The following VPS39 variants were observed in gnomAD, a reference collection of about 807,000 sequenced individuals.
The protein encoded by VPS39 is vam6/Vps39-like protein.
In VPS39, 70 loss-of-function variants were observed where a neutral mutation model predicts 121.0. The ratio of observed to expected loss-of-function variants is 0.58; its 90% confidence interval spans 0.48 to 0.71. VPS39 has a LOEUF of 0.71. Among genes scored for constraint, VPS39 ranks in the 30% least tolerant of loss-of-function variants. The probability of loss-of-function intolerance (pLI) is 0.00; values close to 1 mark genes in which losing one functional copy is unlikely to be tolerated. For synonymous variants in VPS39, 378 were observed against 398.1 expected (o/e 0.95, Z 0.60); for missense variants, 818 against 1,051.5 (o/e 0.78, Z 3.07).
intron 12 of VPS39, among the ~76,000 whole-genome samples, chr15:42,168,557 T>G (rs1209557759): frequency 6.6e-6 from 1 of 151,572 alleles, no homozygotes; most frequent in Non-Finnish European, 1.5e-5. Context: ...TTTTTTTTTT[T>G]TTTTGAGACA....
intron 6 of VPS39, 60 bp downstream of exon 6, chr15:42,187,698 T>C: frequency 6.7e-7 from 1 of 1,500,140 alleles, no homozygotes; most frequent in Non-Finnish European, 9.3e-7. Flanking sequence ...TGAACTTCAC[T>C]AGAACCGAGC....
At chr15:42,180,749 G>GATAATAGA (rs1344678884) in intron 8 of VPS39, among the ~76,000 whole-genome samples, 57 of 152,214 alleles carry the variant, frequency 3.7e-4, no homozygotes, top group Admixed American at 1.0e-3. Flanking sequence ...CTAACTTAGA[G>GATAATAGA]ATAATAGAAA....
At chr15:42,183,105 TG>T (rs113523890) in intron 8 of VPS39, among the ~76,000 whole-genome samples, 17,413 of 149,624 alleles carry the variant, frequency 0.12, 1,257 homozygotes, top group South Asian at 0.23. Flanking sequence ...ATGTGTTTTT[TG>T]TTTTTTTTTT....
At chr15:42,199,796 C>T in intron 2 of VPS39, 100 bp downstream of exon 2, 4 of 1,346,322 alleles carry the variant, frequency 3.0e-6, no homozygotes, top group Non-Finnish European at 4.0e-6. Context: ...TCCCTCTAAC[C>T]TTCAATCTCT....
At chr15:42,187,956 G>T (rs2049739809) in intron 5 of VPS39, 100 bp from the exon 6 acceptor site, 1 of 1,121,378 alleles carries the variant, frequency 8.9e-7, no homozygotes, top group South Asian at 1.3e-5. Flanking sequence ...CTACTACTCT[G>T]AAAATTCCCT....
chr15:42,166,879 AG>A lies in VPS39; in HGVS notation c.1411del (p.Leu471TrpfsTer15). 6.2e-7 allele frequency: 1 copy of A among 1,614,216 alleles called. No individual in the cohort carries two copies. Among genetic ancestry groups the A allele is most frequent in the Non-Finnish European group, 8.5e-7 (1 of 1,180,026 alleles). On this transcript the variant is annotated frameshift_variant, in exon 14 of 25. Coordinates refer to ENST00000318006, the MANE Select transcript of VPS39 (RefSeq NM_015289.5). LOFTEE classifies it high-confidence loss of function. ...NVALVAPLLR[L>X]ENNHCHIEES... ...CTCGATGTGGCAGTGATTGTTCTCC[AG>A]GCGTAGCAAGGGGGCCACCAGGGCC...
At chr15:42,176,033 G>C (rs1156281656) in intron 10 of VPS39, among the ~76,000 whole-genome samples, 1 of 152,100 alleles carries the variant, frequency 6.6e-6, no homozygotes, top group African/African-American at 2.4e-5. Flanking sequence ...CATTATGTTT[G>C]TGTATCTATT....
At chr15:42,207,277 A>G (rs1039999576) in intron 1 of VPS39, among the ~76,000 whole-genome samples, 10 of 152,176 alleles carry the variant, frequency 6.6e-5, no homozygotes, top group Non-Finnish European at 1.0e-4. Context: ...GGACCTAAAC[A>G]TTAAGAGGAA....
At chr15:42,188,169 T>C (rs578171146) in intron 5 of VPS39, among the ~76,000 whole-genome samples, 15 of 152,196 alleles carry the variant, frequency 9.9e-5, no homozygotes, top group Admixed American at 2.6e-4. Context: ...TCCTTTTTGC[T>C]CTTAAATGTT....
chr15:42,175,464 C>T (rs985694046), intron 10 of VPS39, among the ~76,000 whole-genome samples: 4 of 151,938 alleles, frequency 2.6e-5, no homozygotes, highest in African/African-American at 9.7e-5. Flanking sequence ...ATAGCTGGCA[C>T]GGTCGGGAAA....
At chr15:42,166,460 G>A (rs995338581) in intron 15 of VPS39, 103 bp downstream of exon 15, 22 of 1,339,446 alleles carry the variant, frequency 1.6e-5, no homozygotes, top group Admixed American at 5.8e-5. Context: ...GAGTGAACAC[G>A]AGCACGGGAG....
intron 11 of VPS39, among the ~76,000 whole-genome samples, chr15:42,173,251 C>T (rs576598488): frequency 6.6e-6 from 1 of 152,316 alleles, no homozygotes; most frequent in Non-Finnish European, 1.5e-5. Flanking sequence ...AGTAACTCTA[C>T]CAGACCTCAG....
intron 8 of VPS39, chr15:42,184,054 C>CAAAAAA (rs34358912): frequency 6.4e-4 from 37 of 57,820 alleles, no homozygotes; most frequent in African/African-American, 1.8e-3. Context: ...CTCTAAGCTA[C>CAAAAAA]AAAAAAAAAA....
rs1872622172 is a variant in VPS39 at position 42,162,442 on chromosome 15, T to TG, written c.2214dup (p.Ser739GlnfsTer50). On this transcript the variant is annotated frameshift_variant, in exon 22 of 25. Transcript: ENST00000318006. LOFTEE classifies it high-confidence loss of function. ...TTGATTGGCCCCAGGCAGTGAATGC[T>TG]GGGGGGCGACAGGTACATCCGAAGC... The TG allele has an allele frequency of 1.2e-6, 2 of 1,612,432 alleles. No homozygotes were observed. Among genetic ancestry groups the TG allele is most frequent in the Non-Finnish European group, 1.7e-6 (2 of 1,179,030 alleles).
intron 1 of VPS39, among the ~76,000 whole-genome samples, chr15:42,203,262 A>T (rs1230356100): frequency 1.3e-5 from 2 of 152,124 alleles, no homozygotes; most frequent in African/African-American, 4.8e-5. Flanking sequence ...TGAGGTCAGG[A>T]GTTCAAGACC....
chr15:42,187,705 G>C, intron 6 of VPS39, 53 bp downstream of exon 6: 1 of 1,532,840 alleles, frequency 6.5e-7, no homozygotes, highest in South Asian at 1.1e-5. Flanking sequence ...CACTAGAACC[G>C]AGCCACTGCA....
intron 1 of VPS39, among the ~76,000 whole-genome samples, chr15:42,203,667 A>T (rs1247100668): frequency 6.6e-6 from 1 of 152,200 alleles, no homozygotes; most frequent in African/African-American, 2.4e-5. Context: ...TTAAAAAAAT[A>T]AAATGTCTAT....
At chr15:42,189,336 C>A in intron 4 of VPS39, 128 bp from the exon 5 acceptor site, 1 of 672,730 alleles carries the variant, frequency 1.5e-6, no homozygotes, top group South Asian at 1.7e-5. Flanking sequence ...TTGAAGATGT[C>A]CCTTCAGTTT....
At chr15:42,172,186 G>C (rs1315788260) in intron 11 of VPS39, among the ~76,000 whole-genome samples, 1 of 152,178 alleles carries the variant, frequency 6.6e-6, no homozygotes. Context: ...GGAAGAGTGA[G>C]AGTCACAAAA....
Sources: allele counts gnomAD v4.1 joint callset (sites outside exome capture counted in the v4.1 genomes callset), GRCh38; gene constraint gnomAD v4.1.1; transcripts MANE v1.5; gene names NCBI Gene and HGNC (gene_info 2026-07-23, HGNC 2026-07-21).